ADCK2: variants seen among roughly 807,000 people sequenced by gnomAD.
ADCK2 encodes the protein aarF domain containing kinase 2.
In ADCK2, 37 loss-of-function variants were observed where a neutral mutation model predicts 52.3. The observed-to-expected ratio is 0.71, with a 90% confidence interval of 0.54 to 0.93. The LOEUF (loss-of-function observed/expected upper bound fraction) is 0.93. ADCK2 is among the 40% of genes least tolerant of loss of function. The pLI is 0.00. For missense variants in ADCK2, 695 were observed against 798.7 expected, an observed-to-expected ratio of 0.87 and a Z score of 1.56; for synonymous variants, 321 against 349.2, an observed-to-expected ratio of 0.92 and a Z score of 0.90.
chr7:140,694,130 C>G (rs866199390), intron 7 of ADCK2, among the ~76,000 whole-genome samples: 1 of 152,068 alleles, frequency 6.6e-6, no homozygotes, highest in Admixed American at 6.6e-5. Context: ...AGATCAGCCT[C>G]GTCAACATTG....
At chr7:140,680,685 G>T (rs1307428430) in intron 3 of ADCK2, among the ~76,000 whole-genome samples, 1 of 152,158 alleles carries the variant, frequency 6.6e-6, no homozygotes, top group Non-Finnish European at 1.5e-5. Context: ...AAATCAATGT[G>T]TGGATGACAG....
At position 140,673,422 on chromosome 7, in the gene ADCK2, C is replaced by A; in HGVS notation, c.92C>A (p.Ser31Tyr). The change falls in exon 1 of 8, where the codon TCC (serine) becomes TAC (tyrosine). Residue 31 changes from serine to tyrosine, a missense_variant. By Grantham distance (144) the Ser-to-Tyr change is moderately radical. Transcript: ENST00000072869. This position sits in a 1 kb window ranked among gnomAD's most constrained non-coding sequence, Gnocchi z 6.4. ...CAGGGACTCAGCCTCCTGAGGCCCTCCGAGTGCCCTCGCGATGCCAGGCTC... is the reference window on the plus strand; with the variant it reads ...CAGGGACTCAGCCTCCTGAGGCCCTACGAGTGCCCTCGCGATGCCAGGCTC... ...LRQGLSLLRP[S>Y]ECPRDARLCW... The A allele has an allele frequency of 1.2e-6, 2 of 1,601,812 alleles. No homozygotes were observed. The highest frequency in any genetic ancestry group is 8.5e-7 in the Non-Finnish European group (1 of 1,174,256).
At chr7:140,689,443 G>A (rs1191679470) in intron 5 of ADCK2, among the ~76,000 whole-genome samples, 154 bp from the exon 6 acceptor site, 1 of 152,128 alleles carries the variant, frequency 6.6e-6, no homozygotes, top group Non-Finnish European at 1.5e-5. Flanking sequence ...ATAGGTATGG[G>A]CAAAGGGAAA....
intron 7 of ADCK2, among the ~76,000 whole-genome samples, chr7:140,691,610 C>T (rs1477608809): frequency 5.3e-5 from 8 of 152,152 alleles, no homozygotes; most frequent in Admixed American, 2.6e-4. Context: ...GCCTGTGCCC[C>T]GGCTCTGTCG....
chr7:140,686,599 AG>A (rs1242822681), intron 4 of ADCK2, among the ~76,000 whole-genome samples: 2 of 152,096 alleles, frequency 1.3e-5, no homozygotes, highest in Non-Finnish European at 2.9e-5. Context: ...TATTTTTACA[AG>A]ACAGGGTCCT....
chr7:140,676,598 C>A (rs919634259), intron 2 of ADCK2, among the ~76,000 whole-genome samples: 1 of 152,224 alleles, frequency 6.6e-6, no homozygotes. Context: ...ATCAGCTCTT[C>A]CTACTAAGCC....
intron 4 of ADCK2, among the ~76,000 whole-genome samples, chr7:140,683,325 T>C (rs1458665305): frequency 1.3e-5 from 2 of 150,242 alleles, no homozygotes; most frequent in African/African-American, 2.5e-5. Context: ...ACATAGGAGG[T>C]TTTTATGCTG....
rs954649217 is a variant in ADCK2 at position 140,672,963 on chromosome 7, T to C, written c.-368T>C. On this transcript the variant is annotated 5_prime_UTR_variant, in exon 1 of 8. Coordinates refer to ENST00000072869, the MANE Select transcript of ADCK2 (RefSeq NM_052853.4). ...GGTGCCCGCCACCCCAGCGATCTCA[T>C]ACTGGCCCCTGGGCGCACGGTGACC... Among the ~76,000 whole-genome samples the C allele has an allele frequency of 1.3e-3, 201 of 150,526 alleles. 1 individual carries two copies. The highest frequency in any genetic ancestry group is 4.4e-3 in the African/African-American group (182 of 41,214).
rs1794745139 is a variant in ADCK2 at position 140,693,617 on chromosome 7, A to T, written c.1741-1046A>T. On this transcript the variant is annotated intron_variant, in intron 7 of 7. Coordinates refer to ENST00000072869, the MANE Select transcript of ADCK2 (RefSeq NM_052853.4). The surrounding 1 kb of genome is among the most constrained non-coding windows in gnomAD (Gnocchi z 4.0). ...GATAACGATGATACTTTTGAAGAAT[A>T]GTTGAAGAATCCATGTCAATTGCTA... is the stretch of plus-strand genomic sequence containing the variant. Among the ~76,000 whole-genome samples the T allele has an allele frequency of 6.6e-6, 1 of 152,218 alleles. No homozygotes were observed. Among genetic ancestry groups the T allele is most frequent in the African/African-American group, 2.4e-5 (1 of 41,464 alleles).
At position 140,673,720 on chromosome 7, in the gene ADCK2, G is replaced by A. The variant is rs1304255744; in HGVS notation, c.390G>A (p.Trp130Ter). The change falls in exon 1 of 8, where the codon TGG (tryptophan) becomes TGA (stop). Residue 130 changes from tryptophan (W) to a stop codon, truncating the protein, a stop_gained. Transcript: ENST00000072869. LOFTEE classifies it high-confidence loss of function. This position sits in a 1 kb window ranked among gnomAD's most constrained non-coding sequence, Gnocchi z 6.4. The stretch of plus-strand genomic sequence containing the variant: ...TGGCTCCCAGCGTCTCCACCCTCTG[G>A]CTCCACCTGCTTCTGAAAGCCACCG... The part of the protein sequence containing the change: ...TYLAPSVSTL[W>*]LHLLLKATET... The A allele has an allele frequency of 2.5e-6, 4 of 1,611,186 alleles. No individual in the cohort carries two copies. The highest frequency in any genetic ancestry group is 3.4e-6 in the Non-Finnish European group (4 of 1,179,588).
At position 140,674,086 on chromosome 7, in the gene ADCK2, G is replaced by C; in HGVS notation, c.756G>C (p.Glu252Asp). 6.2e-7 allele frequency: 1 copy of C among 1,614,126 alleles called. No individual in the cohort carries two copies. Among genetic ancestry groups the C allele is most frequent in the Non-Finnish European group, 8.5e-7 (1 of 1,180,032 alleles). ...CTGGGGCAGTCGGTGGGCTGAGAGA[G>C]CTCTTTGGATACCTTGGAAATGGCC... ...SHTGAVGGLR[E>D]LFGYLGNGRK... The change falls in exon 1 of 8, where the codon GAG becomes GAC. Residue 252 changes from glutamate (E) to aspartate (D), a missense_variant. Coordinates refer to ENST00000072869, the MANE Select transcript of ADCK2 (RefSeq NM_052853.4). The surrounding 1 kb of genome is among the most constrained non-coding windows in gnomAD (Gnocchi z 4.6).
At chr7:140,677,036 A>C (rs1794431173) in intron 2 of ADCK2, among the ~76,000 whole-genome samples, 1 of 151,912 alleles carries the variant, frequency 6.6e-6, no homozygotes, top group South Asian at 2.1e-4. Flanking sequence ...CAAACAAACA[A>C]ACAAACAAAC....
chr7:140,681,235 G>A (rs1794510616), intron 4 of ADCK2, 98 bp downstream of exon 4: 25 of 1,125,508 alleles, frequency 2.2e-5, no homozygotes, highest in Non-Finnish European at 2.5e-5. Context: ...GAAGGAGAGC[G>A]AAGCAGCAAG....
chr7:140,682,826 C>CAAA (rs397889908), intron 4 of ADCK2, among the ~76,000 whole-genome samples: 14 of 65,152 alleles, frequency 2.1e-4, no homozygotes, highest in Admixed American at 1.4e-3. Context: ...CCTGTCACTA[C>CAAA]AAAAAAAAAA....
chr7:140,680,011 G>T lies in ADCK2; in HGVS notation c.1209+728G>T, dbSNP rs371480927. Among the ~76,000 whole-genome samples the T allele has an allele frequency of 1.1e-4, 17 of 152,196 alleles. 1 individual carries two copies. The South Asian group carries it at 2.3e-3, about 20-fold the overall frequency. ...TACAGATGGTGATATGAGATTCAGG[G>T]AATCTCATGAATGTGACATGAACCA... On this transcript the variant is annotated intron_variant, in intron 3 of 7. Coordinates refer to ENST00000072869, the MANE Select transcript of ADCK2 (RefSeq NM_052853.4).
chr7:140,677,727 TG>T (rs1409813093), intron 2 of ADCK2, among the ~76,000 whole-genome samples: 10 of 152,232 alleles, frequency 6.6e-5, no homozygotes, highest in African/African-American at 2.2e-4. Flanking sequence ...GCAATGAACC[TG>T]AGCCTGGCTG....
intron 3 of ADCK2, among the ~76,000 whole-genome samples, chr7:140,679,893 G>A (rs1794487140): frequency 1.3e-5 from 2 of 151,466 alleles, no homozygotes; most frequent in South Asian, 4.2e-4. Context: ...AGGCTGGTCT[G>A]GAACTCCTGA....
intron 4 of ADCK2, 112 bp downstream of exon 4, chr7:140,681,249 C>T: frequency 1.0e-6 from 1 of 959,906 alleles, no homozygotes; most frequent in Non-Finnish European, 1.6e-6. Flanking sequence ...CAGCAAGCCG[C>T]CAGGTTGAGA....
At chr7:140,679,035 C>G (rs1253973687) in intron 2 of ADCK2, 120 bp from the exon 3 acceptor site, 2 of 1,330,172 alleles carry the variant, frequency 1.5e-6, no homozygotes. Context: ...GCAAGTTCTG[C>G]GGGGCAAGCT....
Sources: allele counts gnomAD v4.1 joint callset (sites outside exome capture counted in the v4.1 genomes callset), GRCh38; gene constraint gnomAD v4.1.1; non-coding constraint Gnocchi (gnomAD v3.1); transcripts MANE v1.5; gene names NCBI Gene and HGNC (gene_info 2026-07-23, HGNC 2026-07-21).